The following SUGCT variants were observed in gnomAD, a reference collection of about 807,000 sequenced individuals.
SUGCT encodes the protein succinyl-CoA:glutarate CoA-transferase.
A neutral mutation model predicts 55.0 loss-of-function variants in SUGCT; 41 were observed. The observed-to-expected ratio is 0.74, with a 90% CI of 0.58 to 0.97. The LOEUF is 0.97. Ranked by LOEUF, SUGCT falls within the 50% of genes least tolerant of loss-of-function variation. The probability of loss-of-function intolerance (pLI) is 0.00; values close to 1 mark genes in which losing one functional copy is unlikely to be tolerated. For missense variants in SUGCT, 568 were observed against 547.8 expected, an observed-to-expected ratio of 1.04 and a Z score of -0.37; for synonymous variants, 187 against 200.4, an observed-to-expected ratio of 0.93 and a Z score of 0.56.
intron 12 of SUGCT, among the ~76,000 whole-genome samples, chr7:40,740,521 ATTTTATTTTAT>A (rs1022791496): frequency 1.3e-4 from 19 of 150,444 alleles, no homozygotes; most frequent in South Asian, 4.1e-4. Context: ...TCCTTGCCTC[ATTTTATTTTAT>A]TTTTATTTTA....
Position 40,570,850 on chromosome 7 carries a change from C to CTTTTTTTTTTTTTT in SUGCT, c.1089+74478_1089+74491dup, listed in dbSNP as rs776733346. Among the ~76,000 whole-genome samples, 26 of 52,304 alleles carry CTTTTTTTTTTTTTT rather than the reference C, an allele frequency of 5.0e-4. 2 individuals carry two copies. The highest frequency in any genetic ancestry group is 2.3e-3 in the African/African-American group (26 of 11,528). The allele number at this position is 52,304 out of a possible 152,430, so 34.3% of individuals were successfully genotyped here. A position where few individuals can be genotyped will look rare whatever the true frequency, so the allele number is the denominator to read the frequency against. ...CCCCTCTGGGCAAAAGCTTTAGGCTCTTTTTTTTTTTTTTTTTTTTTTTTT... is the reference window on the plus strand; with the variant it reads ...CCCCTCTGGGCAAAAGCTTTAGGCTCTTTTTTTTTTTTTTTTTTTTTTTTTTTTTTTTTTTTTTT... On this transcript the variant is annotated intron_variant, in intron 12 of 13. Coordinates refer to ENST00000335693, the MANE Select transcript of SUGCT (RefSeq NM_001193313.2).
At chr7:40,507,497 C>T (rs1423076253) in intron 12 of SUGCT, among the ~76,000 whole-genome samples, 1 of 152,134 alleles carries the variant, frequency 6.6e-6, no homozygotes, top group Non-Finnish European at 1.5e-5. Context: ...TTACTCACCC[C>T]CCTACCCCTG....
chr7:40,221,831 A>G (rs991910962), intron 6 of SUGCT, among the ~76,000 whole-genome samples: 36 of 152,308 alleles, frequency 2.4e-4, no homozygotes, highest in African/African-American at 8.4e-4. Context: ...TTGAATGTTC[A>G]TAGTTTCAGA....
At chr7:40,180,106 C>T (rs1299568149) in intron 1 of SUGCT, among the ~76,000 whole-genome samples, 2 of 152,168 alleles carry the variant, frequency 1.3e-5, no homozygotes, top group Admixed American at 6.5e-5. Context: ...CAAATATTTG[C>T]TATTGCTGTG....
the SUGCT span, among the ~76,000 whole-genome samples, chr7:40,978,522 T>C: frequency 4.6e-5 from 7 of 152,074 alleles, 1 homozygote; most frequent in East Asian, 1.2e-3. Context: ...AGTCGAAATG[T>C]GGGACAGTCA....
chr7:40,612,993 C>T (rs554375231), intron 12 of SUGCT, among the ~76,000 whole-genome samples: 8 of 152,132 alleles, frequency 5.3e-5, no homozygotes, highest in Non-Finnish European at 8.8e-5. Context: ...ATTAGCTGGG[C>T]ATGATGGGGG....
At chr7:41,023,267 G>A in the SUGCT span, among the ~76,000 whole-genome samples, 1 of 152,096 alleles carries the variant, frequency 6.6e-6, no homozygotes, top group Non-Finnish European at 1.5e-5. Flanking sequence ...TGATATGTTG[G>A]AGCCGTTTAT....
At chr7:40,913,458 A>G in the SUGCT span, among the ~76,000 whole-genome samples, 1 of 152,352 alleles carries the variant, frequency 6.6e-6, no homozygotes, top group East Asian at 1.9e-4. Context: ...TACCCTTGCT[A>G]TGAAAATTCA....
At position 40,683,548 on chromosome 7, in the gene SUGCT, C is replaced by T. The variant is rs551458782; in HGVS notation, c.1090-65886C>T. ...AATTTGGTTGTTTGAAGTTCCCTTT[C>T]CCACTGTGGGAATCTTCAGACTTCT... On this transcript the variant is annotated intron_variant, in intron 12 of 13. Coordinates refer to ENST00000335693, the MANE Select transcript of SUGCT (RefSeq NM_001193313.2). Among the ~76,000 whole-genome samples the T allele has an allele frequency of 7.2e-5, 11 of 152,304 alleles. 1 individual carries two copies. In the East Asian group the frequency reaches 2.1e-3, roughly 29 times the overall value.
chr7:40,535,038 TTAAA>T (rs1466662896), intron 12 of SUGCT, among the ~76,000 whole-genome samples: 1 of 152,180 alleles, frequency 6.6e-6, no homozygotes, highest in Admixed American at 6.5e-5. Context: ...TTGCATTCAA[TTAAA>T]TATAATATCT....
At chr7:40,591,734 G>A (rs749309342) in intron 12 of SUGCT, among the ~76,000 whole-genome samples, 3 of 152,178 alleles carry the variant, frequency 2.0e-5, no homozygotes, top group Non-Finnish European at 2.9e-5. Context: ...CAACATCAAG[G>A]CAAGACCCTC....
chr7:40,971,816 T>TA, the SUGCT span, among the ~76,000 whole-genome samples: 1 of 152,202 alleles, frequency 6.6e-6, no homozygotes, highest in Non-Finnish European at 1.5e-5. Context: ...TGTTTGCAGC[T>TA]CCCTCTGTAT....
the SUGCT span, among the ~76,000 whole-genome samples, chr7:40,910,799 A>G: frequency 1.3e-5 from 2 of 152,206 alleles, no homozygotes; most frequent in Admixed American, 1.3e-4. Context: ...CCCATGGCAC[A>G]CAACAAATCC....
intron 12 of SUGCT, among the ~76,000 whole-genome samples, chr7:40,656,497 A>G (rs1298825182): frequency 6.6e-6 from 1 of 152,188 alleles, no homozygotes; most frequent in African/African-American, 2.4e-5. Context: ...GTGTAATTAA[A>G]CCAACTGTCC....
the SUGCT span, among the ~76,000 whole-genome samples, chr7:41,019,401 G>T: frequency 1.3e-5 from 2 of 152,120 alleles, no homozygotes; most frequent in Non-Finnish European, 2.9e-5. Context: ...TGATCCTTGT[G>T]GATTGATTTA....
intron 6 of SUGCT, among the ~76,000 whole-genome samples, chr7:40,214,256 A>G (rs1347435632): frequency 6.6e-6 from 1 of 152,218 alleles, no homozygotes; most frequent in Non-Finnish European, 1.5e-5. Flanking sequence ...AACAATGAGC[A>G]AAACAAAAAA....
rs1031702458 is a variant in SUGCT at position 40,610,687 on chromosome 7, A to C, written c.1089+114301A>C. Among the ~76,000 whole-genome samples, 3 of 152,186 alleles carry C rather than the reference A, an allele frequency of 2.0e-5. No homozygotes were observed. In the East Asian group the frequency reaches 5.8e-4, roughly 29 times the overall value. On this transcript the variant is annotated intron_variant, in intron 12 of 13. Transcript: ENST00000335693. ...GGCAAAGCCAAAATTGAGTGTTTAGAAATGGGGTGTTCTGAGAAGAAACCA... is the reference window on the plus strand; with the variant it reads ...GGCAAAGCCAAAATTGAGTGTTTAGCAATGGGGTGTTCTGAGAAGAAACCA...
intron 12 of SUGCT, among the ~76,000 whole-genome samples, chr7:40,609,550 CAA>C (rs934513690): frequency 3.1e-4 from 22 of 70,800 alleles, no homozygotes; most frequent in Non-Finnish European, 3.2e-4. Context: ...GACTCCATCT[CAA>C]AAAAAAAAAA....
chr7:40,373,534 A>G (rs1259511696), intron 9 of SUGCT, among the ~76,000 whole-genome samples: 1 of 151,962 alleles, frequency 6.6e-6, no homozygotes, highest in Non-Finnish European at 1.5e-5. Flanking sequence ...ATCTGAGAGT[A>G]TATACTCCTG....
Sources: allele counts gnomAD v4.1 joint callset (sites outside exome capture counted in the v4.1 genomes callset), GRCh38; gene constraint gnomAD v4.1.1; transcripts MANE v1.5; gene names NCBI Gene and HGNC (gene_info 2026-07-23, HGNC 2026-07-21).